The following BCAT1 variants were observed in gnomAD, a reference collection of about 807,000 sequenced individuals.
BCAT1 encodes branched chain amino acid transaminase 1, also known as branched-chain-amino-acid aminotransferase, cytosolic.
BCAT1 carries 48 observed loss-of-function variants against 52.4 expected under a neutral mutation model. That is an observed-to-expected ratio of 0.92 (90% CI 0.73 to 1.16). The LOEUF is 1.16. BCAT1 is among the 50% of genes most tolerant of loss of function. BCAT1 has a pLI of 0.00. For missense variants in BCAT1, 451 were observed against 457.1 expected (o/e 0.99, Z 0.12); for synonymous variants, 167 against 161.3 (o/e 1.04, Z -0.27).
chr12:24,931,821 A>T (rs1230984908), intron 1 of BCAT1, among the ~76,000 whole-genome samples: 1 of 152,206 alleles, frequency 6.6e-6, no homozygotes, highest in Non-Finnish European at 1.5e-5. Flanking sequence ...AGTAAAAAGG[A>T]GAACGCCACA....
chr12:24,937,876 C>A (rs1325470299), intron 1 of BCAT1, among the ~76,000 whole-genome samples: 1 of 152,024 alleles, frequency 6.6e-6, no homozygotes, highest in East Asian at 1.9e-4. Flanking sequence ...AGGTCTTGGA[C>A]CAAAAATGAC....
rs765987196 is a variant in BCAT1 at position 24,842,087 on chromosome 12, T to C, written c.812A>G (p.Asp271Gly). ...GTGAAATCTGAGTGGATTACCTCCA[T>C]CTTCATTTATCCAGTAAAGAAAAAG... ...MNLFLYWINEDGEEELATPPL... is the reference protein window; with the variant it reads ...MNLFLYWINEGGEEELATPPL... The change falls in exon 7 of 11, where the codon GAT (aspartate) becomes GGT (glycine). Residue 271 changes from aspartate to glycine, a missense_variant. Physicochemically the swap from Asp to Gly is moderately conservative, Grantham distance 94. Coordinates refer to ENST00000261192, the MANE Select transcript of BCAT1 (RefSeq NM_005504.7). 3 of 1,613,578 alleles carry C rather than the reference T, an allele frequency of 1.9e-6. No individual in the cohort carries two copies. The highest frequency in any genetic ancestry group is 2.7e-5 in the African/African-American group (2 of 74,910).
chr12:24,824,799 A>G (rs1452576857), intron 10 of BCAT1, among the ~76,000 whole-genome samples: 1 of 152,194 alleles, frequency 6.6e-6, no homozygotes, highest in Non-Finnish European at 1.5e-5. Flanking sequence ...TAAAATTTTA[A>G]TTAAGATAAA....
At position 24,812,316 on chromosome 12, in the gene BCAT1, A is replaced by AC. The variant is rs987583768; in HGVS notation, c.*5691_*5692insG. On this transcript the variant is annotated 3_prime_UTR_variant, in exon 11 of 11. Transcript: ENST00000261192. ...TAGGAGATAGTAAATAGTATCTCTA[A>AC]GGGAAAAAAGTCACAATCTACTTCT... 3.4e-5 allele frequency: 3 copies of AC among 88,540 alleles called. No individual in the cohort carries two copies. The highest frequency in any genetic ancestry group is 1.1e-4 in the Admixed American group (1 of 9,270). The allele number at this position is 88,540 out of a possible 1,614,324, so 5.5% of individuals were successfully genotyped here. A position where few individuals can be genotyped will look rare whatever the true frequency, so the allele number is the denominator to read the frequency against.
At chr12:24,896,603 C>G (rs1185943770) in intron 2 of BCAT1, among the ~76,000 whole-genome samples, 1 of 152,092 alleles carries the variant, frequency 6.6e-6, no homozygotes, top group Non-Finnish European at 1.5e-5. Context: ...CCTGTCTCTA[C>G]TAAAAATACA....
intron 1 of BCAT1, among the ~76,000 whole-genome samples, chr12:24,943,321 C>T (rs1943875548): frequency 6.6e-6 from 1 of 151,756 alleles, no homozygotes; most frequent in Admixed American, 6.6e-5. Context: ...GGAGAAACCC[C>T]ATCTCTACAA....
Position 24,816,837 on chromosome 12 carries a change from G to T in BCAT1, c.*1171C>A, listed in dbSNP as rs1939893365. 5.8e-6 allele frequency: 2 copies of T among 345,160 alleles called. No homozygotes were observed. Among genetic ancestry groups the T allele is most frequent in the East Asian group, 8.2e-5 (2 of 24,428 alleles). 21.4% of individuals were successfully genotyped at this position (345,160 alleles called of 1,614,324 possible). On this transcript the variant is annotated 3_prime_UTR_variant, in exon 11 of 11. Transcript: ENST00000261192. ...ATTCTCATAAGGAGCGCATAGCCTA[G>T]ATCCCTTGCATGCAGAGTTCACAAT...
chr12:24,819,961 A>G (rs907006525), intron 10 of BCAT1, among the ~76,000 whole-genome samples: 3 of 152,182 alleles, frequency 2.0e-5, no homozygotes, highest in African/African-American at 4.8e-5. Flanking sequence ...AGGGCAAAAT[A>G]TGTGTTTTAT....
chr12:24,872,938 T>G lies in BCAT1; in HGVS notation c.510+5592A>C, dbSNP rs370154221. On this transcript the variant is annotated intron_variant, in intron 5 of 10. Coordinates refer to ENST00000261192, the MANE Select transcript of BCAT1 (RefSeq NM_005504.7). The stretch of plus-strand genomic sequence containing the variant: ...GCTAAGAGCAACAATCAAATGGAAT[T>G]TCAGAGCTTGTGGTTGTGCATATTT... Among the ~76,000 whole-genome samples the G allele has an allele frequency of 6.2e-4, 95 of 152,330 alleles. 2 individuals are homozygous for G. In the South Asian group the frequency reaches 0.019, roughly 31 times the overall value.
At chr12:24,841,017 T>A (rs1470370087) in intron 7 of BCAT1, among the ~76,000 whole-genome samples, 1 of 152,188 alleles carries the variant, frequency 6.6e-6, no homozygotes, top group African/African-American at 2.4e-5. Context: ...TTTAATTCAA[T>A]ATCATACACG....
At chr12:24,907,594 G>A (rs1943246095) in intron 1 of BCAT1, among the ~76,000 whole-genome samples, 2 of 152,100 alleles carry the variant, frequency 1.3e-5, no homozygotes, top group Admixed American at 1.3e-4. Context: ...CACCCTCCCT[G>A]CCCTTGCGAT....
At chr12:24,885,227 A>G (rs1341705838) in intron 3 of BCAT1, among the ~76,000 whole-genome samples, 2 of 152,216 alleles carry the variant, frequency 1.3e-5, no homozygotes, top group South Asian at 4.1e-4. Flanking sequence ...TGTTTAGGCA[A>G]GCTGGCCAGA....
chr12:24,887,080 A>AATAT lies in BCAT1; in HGVS notation c.280-5673_280-5670dup, dbSNP rs71063368. ...GCTAGCTAAAAAAAAAAAAAAAAAA[A>AATAT]ATATATATATATATATATATATATA... On this transcript the variant is annotated intron_variant, in intron 3 of 10. Transcript: ENST00000261192. 8.9e-3 allele frequency among the ~76,000 whole-genome samples: 359 copies of AATAT among 40,558 alleles called. 9 individuals carry two copies. The highest frequency in any genetic ancestry group is 0.013 in the Non-Finnish European group (249 of 18,928). 26.6% of individuals were successfully genotyped at this position (40,558 alleles called of 152,430 possible). A position where few individuals can be genotyped will look rare whatever the true frequency, so the allele number is the denominator to read the frequency against.
At chr12:24,914,965 T>C (rs77711608) in intron 1 of BCAT1, among the ~76,000 whole-genome samples, 2,445 of 152,318 alleles carry the variant, frequency 0.016, 21 homozygotes, top group Non-Finnish European at 0.026. Context: ...GGTATAATTT[T>C]CTTCTGAAAT....
At chr12:24,861,365 T>C (rs1941845272) in intron 5 of BCAT1, among the ~76,000 whole-genome samples, 1 of 152,250 alleles carries the variant, frequency 6.6e-6, no homozygotes. Context: ...GTTGGGATAA[T>C]TATACTTATT....
intron 6 of BCAT1, among the ~76,000 whole-genome samples, chr12:24,845,230 A>G (rs1424579336): frequency 6.6e-6 from 1 of 152,064 alleles, no homozygotes; most frequent in Non-Finnish European, 1.5e-5. Flanking sequence ...AAAAAAAAAA[A>G]AAGAGCCATT....
At position 24,812,205 on chromosome 12, in the gene BCAT1, G is replaced by A. The variant is rs1422968333; in HGVS notation, c.*5803C>T. On this transcript the variant is annotated 3_prime_UTR_variant, in exon 11 of 11. Coordinates refer to ENST00000261192, the MANE Select transcript of BCAT1 (RefSeq NM_005504.7). ...TAATGATCATAGGAAACTAGTTTGA[G>A]GAAACTGCAATGTGTTATTGCACAT... The A allele has an allele frequency of 6.6e-6, 1 of 152,014 alleles. No individual in the cohort carries two copies. Among genetic ancestry groups the A allele is most frequent in the African/African-American group, 2.4e-5 (1 of 41,432 alleles). The allele number at this position is 152,014 out of a possible 1,614,324, so 9.4% of individuals were successfully genotyped here.
At chr12:24,923,011 T>C (rs1033175410) in intron 1 of BCAT1, among the ~76,000 whole-genome samples, 1 of 152,062 alleles carries the variant, frequency 6.6e-6, no homozygotes, top group Non-Finnish European at 1.5e-5. Context: ...CAGCAATGAG[T>C]TGTGATAATA....
chr12:24,901,725 A>T, intron 2 of BCAT1, 89 bp downstream of exon 2: 1 of 1,353,794 alleles, frequency 7.4e-7, no homozygotes, highest in South Asian at 1.3e-5. Context: ...GGTAACCCAC[A>T]CAGTGAAAAT....
Sources: gnomAD v4.1 joint callset for allele counts (sites outside exome capture counted in the v4.1 genomes callset) on GRCh38, gnomAD v4.1.1 for gene constraint, MANE v1.5 for transcripts, NCBI Gene and HGNC (gene_info 2026-07-23, HGNC 2026-07-21) for gene names.